The following EPSTI1 variants were observed in gnomAD, a reference collection of about 807,000 sequenced individuals.
EPSTI1 encodes the protein epithelial-stromal interaction protein 1.
In EPSTI1, 66 loss-of-function variants were observed where a neutral mutation model predicts 49.9. The observed-to-expected ratio is 1.32, with a 90% confidence interval of 1.08 to 1.62. EPSTI1 has a LOEUF of 1.62. Among genes scored for constraint, EPSTI1 ranks in the 40% most tolerant of loss-of-function variants. EPSTI1 has a pLI of 0.00. For synonymous variants in EPSTI1, 137 were observed against 130.7 expected (o/e 1.05, Z -0.33); for missense variants, 394 against 365.5 (o/e 1.08, Z -0.64).
chr13:42,927,779 C>T (rs1163817640), intron 6 of EPSTI1, among the ~76,000 whole-genome samples: 1 of 152,152 alleles, frequency 6.6e-6, no homozygotes, highest in Non-Finnish European at 1.5e-5. Flanking sequence ...ACTTATCTTG[C>T]CCAGAATAGA....
intron 3 of EPSTI1, among the ~76,000 whole-genome samples, chr13:42,967,404 G>C (rs980588293): frequency 5.9e-5 from 9 of 152,120 alleles, no homozygotes; most frequent in Non-Finnish European, 1.3e-4. Flanking sequence ...AAGGTATAAG[G>C]CTGTTGTCCA....
intron 8 of EPSTI1, among the ~76,000 whole-genome samples, chr13:42,912,385 G>A (rs1338398483): frequency 6.6e-6 from 1 of 152,158 alleles, no homozygotes; most frequent in Non-Finnish European, 1.5e-5. Flanking sequence ...AAGGTAAGAA[G>A]TGAATGAGAG....
intron 8 of EPSTI1, among the ~76,000 whole-genome samples, chr13:42,906,712 G>A (rs1033962137): frequency 2.6e-5 from 4 of 152,054 alleles, no homozygotes; most frequent in Non-Finnish European, 4.4e-5. Flanking sequence ...TCAAGAATGG[G>A]GAGAAAAGGC....
chr13:42,898,114 C>G lies in EPSTI1; in HGVS notation c.815+2196G>C, dbSNP rs143712215. ...ACAACGGGTTAGGTGCAGGTGCACT[C>G]AAGCTCATTACAGGTTCATTGAAAA... On this transcript the variant is annotated intron_variant, in intron 9 of 10. Coordinates refer to ENST00000313624, the MANE Select transcript of EPSTI1 (RefSeq NM_033255.5). Among the ~76,000 whole-genome samples, 94 of 152,294 alleles carry G rather than the reference C, an allele frequency of 6.2e-4. No individual in the cohort carries two copies. The East Asian group carries it at 0.018, about 29-fold the overall frequency.
At chr13:42,906,156 C>T (rs1378203117) in intron 8 of EPSTI1, among the ~76,000 whole-genome samples, 2 of 152,288 alleles carry the variant, frequency 1.3e-5, no homozygotes, top group South Asian at 2.1e-4. Flanking sequence ...AGCTCTGCTT[C>T]GAGCCCAGGT....
rs371659171 is a variant in EPSTI1 at position 42,908,046 on chromosome 13, A to C, written c.742-7663T>G. On this transcript the variant is annotated intron_variant, in intron 8 of 10. Transcript: ENST00000313624. ...GGGAAAACTGAATATCCACATGCAG[A>C]AGGATGAAATTAAACCCTTTTCTCT... Among the ~76,000 whole-genome samples the C allele has an allele frequency of 2.0e-5, 3 of 152,262 alleles. No individual in the cohort carries two copies. The East Asian group carries it at 5.8e-4, about 29-fold the overall frequency.
intron 6 of EPSTI1, among the ~76,000 whole-genome samples, chr13:42,942,464 ACATATAATTAG>A (rs1300643448): frequency 3.9e-5 from 6 of 152,038 alleles, no homozygotes. Flanking sequence ...CCTAATTTGT[ACATATAATTAG>A]CATATAATTA....
intron 1 of EPSTI1, among the ~76,000 whole-genome samples, chr13:42,980,569 G>A (rs369548390): frequency 4.6e-5 from 7 of 152,170 alleles, no homozygotes; most frequent in African/African-American, 1.7e-4. Flanking sequence ...TTCGAGAACA[G>A]CACAGGAAAA....
At chr13:42,929,633 T>C (rs1445123458) in intron 6 of EPSTI1, among the ~76,000 whole-genome samples, 3 of 152,174 alleles carry the variant, frequency 2.0e-5, no homozygotes, top group Non-Finnish European at 4.4e-5. Context: ...AAATATTACA[T>C]ACCAGGACAG....
intron 1 of EPSTI1, among the ~76,000 whole-genome samples, chr13:42,976,289 C>T (rs1245034519): frequency 6.6e-6 from 1 of 152,192 alleles, no homozygotes; most frequent in Non-Finnish European, 1.5e-5. Context: ...TTCGGGAATA[C>T]ACCATTTTTA....
chr13:42,941,628 A>AC (rs2038753637), intron 6 of EPSTI1, among the ~76,000 whole-genome samples: 1 of 150,666 alleles, frequency 6.6e-6, no homozygotes, highest in Non-Finnish European at 1.5e-5. Flanking sequence ...AAAAAAAAAA[A>AC]ACAGAAAAAA....
rs56259281 is a variant in EPSTI1, at chr13:42,983,563, C to CA, written c.188+8414dup. On this transcript the variant is annotated intron_variant, in intron 1 of 10. Transcript: ENST00000313624. Reference sequence around the variant, plus strand: ...TGGGCAACAGAGCGAGACTCCATCTCAAAAAAAAAAAAAAAAAAAAAAAAA... The same window carrying CA: ...TGGGCAACAGAGCGAGACTCCATCTCAAAAAAAAAAAAAAAAAAAAAAAAAA... 7.5e-4 allele frequency among the ~76,000 whole-genome samples: 72 copies of CA among 95,496 alleles called. 2 individuals carry two copies. Among genetic ancestry groups the CA allele is most frequent in the African/African-American group, 1.5e-3 (28 of 18,312 alleles). 62.6% of individuals were successfully genotyped at this position (95,496 alleles called of 152,430 possible).
At chr13:42,983,694 T>C (rs1007510307) in intron 1 of EPSTI1, among the ~76,000 whole-genome samples, 1 of 149,838 alleles carries the variant, frequency 6.7e-6, no homozygotes, top group African/African-American at 2.5e-5. Context: ...TAGGTTTGAA[T>C]ACTGGTTCTG....
At chr13:42,963,515 C>T (rs2039519720) in intron 4 of EPSTI1, 177 bp from the exon 5 acceptor site, 1 of 588,250 alleles carries the variant, frequency 1.7e-6, no homozygotes, top group African/African-American at 1.9e-5. Context: ...GCTACGTCTT[C>T]TGCCCGTGAA....
At chr13:42,961,789 G>C (rs1357325211) in intron 5 of EPSTI1, among the ~76,000 whole-genome samples, 1 of 152,230 alleles carries the variant, frequency 6.6e-6, no homozygotes, top group African/African-American at 2.4e-5. Flanking sequence ...CCAGAGACAA[G>C]GCTAGAGGCT....
chr13:42,986,435 G>A (rs1281973950), intron 1 of EPSTI1, among the ~76,000 whole-genome samples: 3 of 151,984 alleles, frequency 2.0e-5, no homozygotes, highest in East Asian at 1.9e-4. Context: ...CCAGCTATGC[G>A]ATTGGGGGGT....
rs2040149683 is a variant in EPSTI1, at chr13:42,989,560, CTTTTTTCTTTT to C, written c.188+2407_188+2417del. 1.9e-4 allele frequency among the ~76,000 whole-genome samples: 7 copies of C among 37,014 alleles called. 1 individual carries two copies. In the South Asian group the frequency reaches 6.6e-3, roughly 35 times the overall value. 24.3% of individuals were successfully genotyped at this position (37,014 alleles called of 152,430 possible). On this transcript the variant is annotated intron_variant, in intron 1 of 10. Transcript: ENST00000313624. The stretch of plus-strand genomic sequence containing the variant: ...CTGTACTATTAAAGCACTTTATCCT[CTTTTTTCTTTT>C]TTTTTTTTTTTTGCTTTTTGTTTTG...
At chr13:42,921,899 A>G (rs1313690943) in intron 7 of EPSTI1, among the ~76,000 whole-genome samples, 3 of 152,228 alleles carry the variant, frequency 2.0e-5, no homozygotes, top group African/African-American at 2.4e-5. Context: ...TCTGACAGGC[A>G]TAAGTTGGAA....
At chr13:42,900,196 C>T (rs2037314297) in intron 9 of EPSTI1, 114 bp downstream of exon 9, 2 of 914,334 alleles carry the variant, frequency 2.2e-6, no homozygotes, top group Admixed American at 4.1e-5. Flanking sequence ...TTAAAGGTAA[C>T]ACGCATTCCA....
Sources: gnomAD v4.1 joint callset for allele counts (sites outside exome capture counted in the v4.1 genomes callset) on GRCh38, gnomAD v4.1.1 for gene constraint, MANE v1.5 for transcripts, NCBI Gene and HGNC (gene_info 2026-07-23, HGNC 2026-07-21) for gene names.